Variants in KSR1 observed in about 807,000 individuals in gnomAD.
The protein encoded by KSR1 is kinase suppressor of ras.
A neutral mutation model predicts 92.9 loss-of-function variants in KSR1; 35 were observed. That is an observed-to-expected ratio of 0.38 (90% CI 0.29 to 0.50). KSR1 has a LOEUF of 0.50. Ranked by LOEUF, KSR1 falls within the 20% of genes least tolerant of loss-of-function variation. The pLI, the probability that KSR1 is intolerant of heterozygous loss-of-function variation, is 0.94. For synonymous variants in KSR1, 467 were observed against 472.6 expected, an observed-to-expected ratio of 0.99 and a Z score of 0.15; for missense variants, 972 against 1,158.5, an observed-to-expected ratio of 0.84 and a Z score of 2.34.
intron 2 of KSR1, among the ~76,000 whole-genome samples, chr17:27,560,085 C>G (rs1212235220): frequency 6.6e-6 from 1 of 152,048 alleles, no homozygotes; most frequent in Admixed American, 6.5e-5. Flanking sequence ...GTGGAAGGGT[C>G]GGGGATAGGA....
chr17:27,503,014 C>G (rs1172215238), intron 1 of KSR1, among the ~76,000 whole-genome samples: 1 of 152,204 alleles, frequency 6.6e-6, no homozygotes, highest in African/African-American at 2.4e-5. Context: ...GCTGAGTGCT[C>G]TAAAGGCATT....
chr17:27,498,639 G>A (rs1033937647), intron 1 of KSR1, among the ~76,000 whole-genome samples: 1 of 152,206 alleles, frequency 6.6e-6, no homozygotes, highest in Admixed American at 6.5e-5. Flanking sequence ...GATAACACTA[G>A]TGTTTGAGAT....
At chr17:27,567,775 G>T (rs1158364418) in intron 2 of KSR1, among the ~76,000 whole-genome samples, 1 of 152,210 alleles carries the variant, frequency 6.6e-6, no homozygotes, top group Non-Finnish European at 1.5e-5. Flanking sequence ...CGGGGGCATG[G>T]TATATCCTGG....
At chr17:27,587,456 G>C (rs1337297283) in intron 5 of KSR1, 2 of 152,298 alleles carry the variant, frequency 1.3e-5, no homozygotes, top group Non-Finnish European at 2.9e-5. Context: ...CCACCCTCGG[G>C]GGACCTTCTG....
chr17:27,533,240 G>A (rs1326701701), intron 1 of KSR1, among the ~76,000 whole-genome samples: 1 of 152,068 alleles, frequency 6.6e-6, no homozygotes, highest in African/African-American at 2.4e-5. Flanking sequence ...GTTGTGATAG[G>A]GCGTCTCTCA....
intron 1 of KSR1, among the ~76,000 whole-genome samples, chr17:27,507,563 CTTTTTTTT>C (rs751092460): frequency 1.4e-4 from 6 of 43,298 alleles, no homozygotes; most frequent in South Asian, 1.2e-3. Flanking sequence ...TATTGTTTGG[CTTTTTTTT>C]TTTTTTTTTT....
intron 10 of KSR1, among the ~76,000 whole-genome samples, chr17:27,599,326 G>C (rs924628806): frequency 6.6e-6 from 1 of 152,246 alleles, no homozygotes; most frequent in African/African-American, 2.4e-5. Flanking sequence ...GGGAGGCCGA[G>C]GTAGGCGGAT....
intron 2 of KSR1, among the ~76,000 whole-genome samples, chr17:27,555,762 A>T (rs964399994): frequency 6.6e-6 from 1 of 152,250 alleles, no homozygotes; most frequent in Non-Finnish European, 1.5e-5. Flanking sequence ...TTACAGTTCA[A>T]TGACATTAAA....
chr17:27,586,197 G>A (rs2072960931), intron 5 of KSR1, among the ~76,000 whole-genome samples: 1 of 152,150 alleles, frequency 6.6e-6, no homozygotes, highest in African/African-American at 2.4e-5. Flanking sequence ...AGGACACCTG[G>A]GCAACCCTTG....
intron 1 of KSR1, among the ~76,000 whole-genome samples, chr17:27,521,639 C>T (rs1374549767): frequency 6.6e-6 from 1 of 151,798 alleles, no homozygotes; most frequent in Non-Finnish European, 1.5e-5. Flanking sequence ...CACTGTGTTG[C>T]CCAGGCTGGT....
intron 2 of KSR1, among the ~76,000 whole-genome samples, chr17:27,560,714 G>A (rs1195188055): frequency 1.3e-5 from 2 of 152,222 alleles, no homozygotes; most frequent in Non-Finnish European, 2.9e-5. Context: ...CTCCTGGGGT[G>A]CAGCTTGAGT....
chr17:27,534,679 G>GCT (rs1458207267), intron 1 of KSR1, among the ~76,000 whole-genome samples: 1 of 152,150 alleles, frequency 6.6e-6, no homozygotes, highest in East Asian at 1.9e-4. Context: ...CTCATCCCCC[G>GCT]CTAATGATAG....
At chr17:27,588,165 C>T (rs1005566903) in intron 5 of KSR1, 1 of 213,342 alleles carries the variant, frequency 4.7e-6, no homozygotes, top group East Asian at 1.1e-4. Flanking sequence ...CTTCTGCCCT[C>T]ACTCTGGCTT....
chr17:27,500,423 G>C (rs143105960), intron 1 of KSR1, among the ~76,000 whole-genome samples: 23 of 152,266 alleles, frequency 1.5e-4, no homozygotes, highest in African/African-American at 5.3e-4. Context: ...TTCAGCTGCT[G>C]TCATGCTCCA....
At chr17:27,564,894 A>G (rs1271910682) in intron 2 of KSR1, among the ~76,000 whole-genome samples, 3 of 152,144 alleles carry the variant, frequency 2.0e-5, no homozygotes, top group Non-Finnish European at 4.4e-5. Flanking sequence ...GGGTCTGCAG[A>G]GATCATGTTT....
At chr17:27,613,375 G>A (rs1002909477) in intron 18 of KSR1, 1 of 152,216 alleles carries the variant, frequency 6.6e-6, no homozygotes, top group Admixed American at 6.5e-5. Context: ...CGGACACATT[G>A]AAAGGTGAGG....
intron 19 of KSR1, among the ~76,000 whole-genome samples, chr17:27,619,454 G>A (rs548158724): frequency 6.7e-6 from 1 of 150,010 alleles, no homozygotes; most frequent in South Asian, 2.1e-4. Context: ...CTGGAGTGCA[G>A]TGGCACGATC....
intron 2 of KSR1, among the ~76,000 whole-genome samples, chr17:27,574,323 C>T (rs950641559): frequency 2.6e-5 from 4 of 152,212 alleles, no homozygotes; most frequent in Non-Finnish European, 5.9e-5. Context: ...GTCTAATCTG[C>T]CTCCCCTGCT....
rs752246423 is a variant in KSR1, at chr17:27,582,978, C to T, written c.853C>T (p.Pro285Ser). 6.8e-6 allele frequency: 11 copies of T among 1,606,346 alleles called. No individual in the cohort carries two copies. The highest frequency in any genetic ancestry group is 9.3e-6 in the Non-Finnish European group (11 of 1,176,784). Reference protein sequence around the residue: ...PQLRRHTKLKPPRTPPPPSRK... With the variant: ...PQLRRHTKLKSPRTPPPPSRK... ...GCTGCGACGGCACACCAAGCTGAAGCCACCACGGACGCCCCCCCCACCCAG... is the reference window on the plus strand; with the variant it reads ...GCTGCGACGGCACACCAAGCTGAAGTCACCACGGACGCCCCCCCCACCCAG... Residue 285 changes from proline to serine, a missense_variant, in exon 4 of 21, where the codon CCA (proline) becomes TCA (serine). By Grantham distance (74) the Pro-to-Ser change is moderately conservative. Transcript: ENST00000644974.
Sources: allele counts gnomAD v4.1 joint callset (sites outside exome capture counted in the v4.1 genomes callset), GRCh38; gene constraint gnomAD v4.1.1; transcripts MANE v1.5; gene names NCBI Gene and HGNC (gene_info 2026-07-23, HGNC 2026-07-21).